The following GRIFIN variants were observed in gnomAD, a reference collection of about 807,000 sequenced individuals.
GRIFIN encodes putative grifin.
A neutral mutation model predicts 18.2 loss-of-function variants in GRIFIN; 22 were observed. That is an observed-to-expected ratio of 1.21 (90% confidence interval 0.86 to 1.73). GRIFIN has a LOEUF of 1.73. Ranked by LOEUF, GRIFIN falls within the 40% of genes most tolerant of loss-of-function variation. The probability of loss-of-function intolerance (pLI) is 0.00; values close to 1 mark genes in which losing one functional copy is unlikely to be tolerated. For missense variants in GRIFIN, 200 were observed against 190.1 expected (o/e 1.05, Z -0.31); for synonymous variants, 101 against 82.8 (o/e 1.22, Z -1.19).
intron 1 of GRIFIN, 94 bp downstream of exon 1, chr7:2,476,278 C>G: frequency 2.1e-6 from 3 of 1,409,534 alleles, no homozygotes; most frequent in Non-Finnish European, 2.9e-6. Flanking sequence ...AGGCCAGAGC[C>G]CATACCCCAT....
At chr7:2,475,020 C>G in intron 4 of GRIFIN, 121 bp downstream of exon 4, 1 of 1,211,222 alleles carries the variant, frequency 8.3e-7, no homozygotes, top group Admixed American at 2.4e-5. Flanking sequence ...GGACGCCAGG[C>G]AGACAACCCC....
In GRIFIN at chr7:2,476,014, CAG is replaced by C. The variant is rs771519597; in HGVS notation, c.13-17_13-16del. 7.5e-5 allele frequency: 120 copies of C among 1,594,392 alleles called. No homozygotes were observed. In the South Asian group the frequency reaches 1.2e-3, roughly 16 times the overall value. On this transcript the variant is annotated splice_polypyrimidine_tract_variant and intron_variant, in intron 1 of 4. Transcript: ENST00000614228. ...AAGGCTTTAGACTGAGTGGAAGAGA[CAG>C]GGGGACCAGCCTCATGGGGCTGCAG...
In GRIFIN at chr7:2,475,223, GCGGCCTCTGA is replaced by G; in HGVS notation, c.327_336del (p.Gln110TrpfsTer10). Reference sequence around the variant, plus strand: ...ACGCGCACCCTGGTGGTGGCGCCCAGCGGCCTCTGACGGCATGGGAACTGTAGCACCTTGT... The same window carrying G: ...ACGCGCACCCTGGTGGTGGCGCCCAGCGGCATGGGAACTGTAGCACCTTGT... On this transcript the variant is annotated frameshift_variant, in exon 4 of 5. Transcript: ENST00000614228. LOFTEE classifies it high-confidence loss of function. The G allele has an allele frequency of 6.3e-7, 1 of 1,597,210 alleles. No individual in the cohort carries two copies. The highest frequency in any genetic ancestry group is 1.1e-5 in the South Asian group (1 of 90,666).
chr7:2,475,373 A>G lies in GRIFIN; in HGVS notation c.253-66T>C, dbSNP rs977986558. The G allele has an allele frequency of 7.9e-6, 12 of 1,511,130 alleles. No homozygotes were observed. In the African/African-American group the frequency reaches 1.5e-4, roughly 19 times the overall value. The allele number at this position is 1,511,130 out of a possible 1,614,324, so 93.6% of individuals were successfully genotyped here. On this transcript the variant is annotated intron_variant, in intron 3 of 4. Transcript: ENST00000614228. ...GGGCCTGGGGTCTGGTCCCGCTTTT[A>G]ACGGTGATGTGCCTGCCGGCCGTCT...
At position 2,475,274 on chromosome 7, in the gene GRIFIN, C is replaced by T. The variant is rs1015597527; in HGVS notation, c.286G>A (p.Val96Ile). The T allele has an allele frequency of 8.8e-6, 14 of 1,596,536 alleles. No homozygotes were observed. Among genetic ancestry groups the T allele is most frequent in the Middle Eastern group, 1.6e-4 (1 of 6,070 alleles). Reference protein sequence around the residue: ...EVSWDAEHFHVYAPEHKVLQF... With the variant: ...EVSWDAEHFHIYAPEHKVLQF... ...AGCACCTTGTGCTCCGGGGCGTAGA[C>T]GTGGAAGTGCTCCGCGTCCCAGCTG... The change falls in exon 4 of 5, where the codon GTC becomes ATC. Residue 96 changes from valine (V) to isoleucine (I), a missense_variant. Physicochemically the swap from Val to Ile is conservative, Grantham distance 29. Coordinates refer to ENST00000614228, the MANE Select transcript of GRIFIN (RefSeq NM_001394787.1).
chr7:2,475,902 G>C lies in GRIFIN; in HGVS notation c.92+18C>G. ...CACCCAGCCCAAGGCCCAGCGAGGGGAGGGCGGTGCCGCTGACCTGTCCTC... is the reference window on the plus strand; with the variant it reads ...CACCCAGCCCAAGGCCCAGCGAGGGCAGGGCGGTGCCGCTGACCTGTCCTC... On this transcript the variant is annotated intron_variant, in intron 2 of 4. Coordinates refer to ENST00000614228, the MANE Select transcript of GRIFIN (RefSeq NM_001394787.1). 1 of 1,597,238 alleles carries C rather than the reference G, an allele frequency of 6.3e-7. No homozygotes were observed. The highest frequency in any genetic ancestry group is 8.5e-7 in the Non-Finnish European group (1 of 1,178,848).
intron 4 of GRIFIN, 25 bp downstream of exon 4, chr7:2,475,116 A>G: frequency 1.3e-6 from 2 of 1,559,674 alleles, no homozygotes; most frequent in Non-Finnish European, 1.7e-6. Flanking sequence ...ATGGGCAGGG[A>G]CCTGGGTAGA....
Position 2,475,425 on chromosome 7 carries a change from G to A in GRIFIN, c.253-118C>T, listed in dbSNP as rs1317148893. The A allele has an allele frequency of 5.2e-6, 7 of 1,358,106 alleles. No individual in the cohort carries two copies. In the African/African-American group the frequency reaches 5.9e-5, roughly 11 times the overall value. 84.1% of individuals were successfully genotyped at this position (1,358,106 alleles called of 1,614,324 possible). On this transcript the variant is annotated intron_variant, in intron 3 of 4. Coordinates refer to ENST00000614228, the MANE Select transcript of GRIFIN (RefSeq NM_001394787.1). ...CAGGAAGGACAGCCTGGCAGGCCCC[G>A]GGGGTCCCTTGGCTTGGAGCCCCCA...
chr7:2,475,429 G>A (rs1778942530), intron 3 of GRIFIN, 122 bp from the exon 4 acceptor site: 1 of 1,344,698 alleles, frequency 7.4e-7, no homozygotes, highest in South Asian at 1.5e-5. Flanking sequence ...GGCCCCGGGG[G>A]TCCCTTGGCT....
Position 2,476,240 on chromosome 7 carries a change from C to T in GRIFIN, c.12+132G>A, listed in dbSNP as rs563314354. ...AGCTCTGGGGGGACCTTCACCCTGA[C>T]GCCCTCTCAGCCCTGAGATCTGATG... On this transcript the variant is annotated intron_variant, in intron 1 of 4. Transcript: ENST00000614228. 478 of 1,169,066 alleles carry T rather than the reference C, an allele frequency of 4.1e-4. 1 individual carries two copies. In the African/African-American group the frequency reaches 5.0e-3, roughly 12 times the overall value. 72.4% of individuals were successfully genotyped at this position (1,169,066 alleles called of 1,614,324 possible). A position where few individuals can be genotyped will look rare whatever the true frequency, so the allele number is the denominator to read the frequency against.
chr7:2,476,085 A>C, intron 1 of GRIFIN, 86 bp from the exon 2 acceptor site: 1 of 956,466 alleles, frequency 1.0e-6, no homozygotes, highest in Non-Finnish European at 1.4e-6. Context: ...CCATCTGTCC[A>C]GGAAGGTCCC....
Position 2,475,918 on chromosome 7 carries a change from A to T in GRIFIN, c.92+2T>A, listed in dbSNP as rs753081240. 6.3e-7 allele frequency: 1 copy of T among 1,598,026 alleles called. No homozygotes were observed. The highest frequency in any genetic ancestry group is 1.7e-5 in the Admixed American group (1 of 59,966). ...CAGCGAGGGGAGGGCGGTGCCGCTG[A>T]CCTGTCCTCTCCAGAGTCAGCATGT... On this transcript the variant is annotated splice_donor_variant, in intron 2 of 4. Coordinates refer to ENST00000614228, the MANE Select transcript of GRIFIN (RefSeq NM_001394787.1). LOFTEE classifies it high-confidence loss of function.
chr7:2,474,845 C>T lies in GRIFIN; in HGVS notation c.*25G>A, dbSNP rs996397927. 4.0e-6 allele frequency: 2 copies of T among 495,564 alleles called. No individual in the cohort carries two copies. Among genetic ancestry groups the T allele is most frequent in the African/African-American group, 1.9e-5 (1 of 52,328 alleles). 30.7% of individuals were successfully genotyped at this position (495,564 alleles called of 1,614,324 possible). On this transcript the variant is annotated 3_prime_UTR_variant, in exon 5 of 5. Transcript: ENST00000614228. Reference sequence around the variant, plus strand: ...ACCCTGGACATGGGACAAGCCGAGGCTGGCTCCTGGGGTGCAGGTGTCACT... The same window carrying T: ...ACCCTGGACATGGGACAAGCCGAGGTTGGCTCCTGGGGTGCAGGTGTCACT...
At chr7:2,475,034 C>T in intron 4 of GRIFIN, 107 bp downstream of exon 4, 1 of 1,314,010 alleles carries the variant, frequency 7.6e-7, no homozygotes, top group South Asian at 1.4e-5. Context: ...CAACCCCTCC[C>T]CAGGCGGAGG....
In GRIFIN at chr7:2,474,761, G is replaced by A. The variant is rs978754730; in HGVS notation, c.*109C>T. ...CAGAGTTTATTGAAGGTGGAGCTGC[G>A]AGGAGCACACAGGACCACAGACCCC... On this transcript the variant is annotated 3_prime_UTR_variant, in exon 5 of 5. Transcript: ENST00000614228. The A allele has an allele frequency of 2.1e-5, 9 of 419,318 alleles. No homozygotes were observed. Among genetic ancestry groups the A allele is most frequent in the South Asian group, 2.0e-4 (2 of 10,186 alleles). 26.0% of individuals were successfully genotyped at this position (419,318 alleles called of 1,614,324 possible). A position where few individuals can be genotyped will look rare whatever the true frequency, so the allele number is the denominator to read the frequency against.
chr7:2,475,150 A>C lies in GRIFIN; in HGVS notation c.410T>G (p.Leu137Arg), dbSNP rs558825631. 1.1e-4 allele frequency: 182 copies of C among 1,583,768 alleles called. No homozygotes were observed. The highest frequency in any genetic ancestry group is 1.5e-4 in the Non-Finnish European group (174 of 1,173,082). Residue 137 changes from leucine to arginine, a missense_variant, in exon 4 of 5, where the codon CTG becomes CGG. Physicochemically the swap from Leu to Arg is moderately radical, Grantham distance 102. Coordinates refer to ENST00000614228, the MANE Select transcript of GRIFIN (RefSeq NM_001394787.1). ...LAQVELAKRG[L>R]SWGDRGY is the part of the protein sequence containing the mutation. ...GAGGCAGGGACTTTACCCCCAGCTC[A>C]GGCCCCTCTTGGCCAGCTCCACCTG...
At chr7:2,475,386 C>T in intron 3 of GRIFIN, 79 bp from the exon 4 acceptor site, 1 of 1,479,784 alleles carries the variant, frequency 6.8e-7, no homozygotes, top group East Asian at 2.5e-5. Context: ...GGTGATGTGC[C>T]TGCCGGCCGT....
chr7:2,475,998 G>T lies in GRIFIN; in HGVS notation c.14C>A (p.Ser5Tyr). The change falls in exon 2 of 5, where the codon TCT becomes TAT. Residue 5 changes from serine to tyrosine, a missense_variant and splice_region_variant. Ser to Tyr is a moderately radical substitution (Grantham distance 144, BLOSUM62 -2). Coordinates refer to ENST00000614228, the MANE Select transcript of GRIFIN (RefSeq NM_001394787.1). ...CAGGCCGCCCGCACAGAAGGCTTTA[G>T]ACTGAGTGGAAGAGACAGGGGGACC... is the stretch of plus-strand genomic sequence containing the variant. MAVQ[S>Y]KAFCAGGLAP... The T allele has an allele frequency of 6.3e-7, 1 of 1,597,532 alleles. No individual in the cohort carries two copies. Among genetic ancestry groups the T allele is most frequent in the Non-Finnish European group, 8.5e-7 (1 of 1,179,502 alleles).
chr7:2,475,464 T>G (rs1056036103), intron 3 of GRIFIN, 157 bp from the exon 4 acceptor site: 2 of 1,205,162 alleles, frequency 1.7e-6, no homozygotes, highest in Non-Finnish European at 2.2e-6. Context: ...CAAAGTCCCC[T>G]CCTTTCTCCC....
Sources: gnomAD v4.1 joint callset for allele counts on GRCh38, gnomAD v4.1.1 for gene constraint, MANE v1.5 for transcripts, NCBI Gene and HGNC (gene_info 2026-07-23, HGNC 2026-07-21) for gene names.